NUP54: variants seen among roughly 807,000 people sequenced by gnomAD.
The protein encoded by NUP54 is nucleoporin 54.
A neutral mutation model predicts 66.4 loss-of-function variants in NUP54; 27 were observed. The ratio of observed to expected loss-of-function variants is 0.41; its 90% confidence interval spans 0.30 to 0.56. NUP54 has a LOEUF of 0.56. Among genes scored for constraint, NUP54 ranks in the 20% least tolerant of loss-of-function variants. The pLI, the probability that NUP54 is intolerant of heterozygous loss-of-function variation, is 0.34. For missense variants in NUP54, 486 were observed against 596.3 expected, an observed-to-expected ratio of 0.82 and a Z score of 1.93; for synonymous variants, 206 against 210.7, an observed-to-expected ratio of 0.98 and a Z score of 0.19.
chr4:76,146,045 T>C (rs561596890), intron 1 of NUP54: 18 of 427,616 alleles, frequency 4.2e-5, no homozygotes, highest in Admixed American at 1.7e-4. Context: ...AACTATGATA[T>C]AATCTGAATT....
At chr4:76,123,695 G>A (rs1394120763) in intron 9 of NUP54, among the ~76,000 whole-genome samples, 1 of 151,986 alleles carries the variant, frequency 6.6e-6, no homozygotes, top group Non-Finnish European at 1.5e-5. Flanking sequence ...TTGTATTTTA[G>A]TAGAGATGGG....
intron 5 of NUP54, 97 bp from the exon 6 acceptor site, chr4:76,132,816 T>TCTG: frequency 1.1e-6 from 1 of 913,228 alleles, no homozygotes; most frequent in South Asian, 1.8e-5. Context: ...AGGGTTTAAG[T>TCTG]TGAATTCAGA....
intron 9 of NUP54, among the ~76,000 whole-genome samples, chr4:76,123,145 C>G (rs142686668): frequency 6.6e-6 from 1 of 152,112 alleles, no homozygotes; most frequent in Non-Finnish European, 1.5e-5. Flanking sequence ...AACGGTTATA[C>G]AAGTCTCTGA....
intron 1 of NUP54, chr4:76,147,842 A>C: frequency 2.9e-6 from 1 of 349,018 alleles, no homozygotes; most frequent in South Asian, 2.4e-5. Context: ...CCCCACAGCG[A>C]GGACCACAGG....
Position 76,124,722 on chromosome 4 carries a change from T to G in NUP54, c.1091A>C (p.Asn364Thr), listed in dbSNP as rs1214258186. ...AATTTTGGCTACAGATGTAGTTTGA[T>G]TCTTTTGTAGCTCACTAATATCTTC... ...ISEDISELQK[N>T]QTTSVAKIAQ... The change falls in exon 9 of 12, where the codon AAT becomes ACT. Residue 364 changes from asparagine to threonine, a missense_variant. Asn to Thr is a moderately conservative substitution (Grantham distance 65). Coordinates refer to ENST00000264883, the MANE Select transcript of NUP54 (RefSeq NM_017426.4). 1 of 1,540,178 alleles carries G rather than the reference T, an allele frequency of 6.5e-7. No individual in the cohort carries two copies. The highest frequency in any genetic ancestry group is 1.1e-5 in the South Asian group (1 of 89,910).
intron 5 of NUP54, among the ~76,000 whole-genome samples, chr4:76,133,468 G>C (rs556129757): frequency 6.6e-6 from 1 of 151,890 alleles, no homozygotes. Flanking sequence ...ACCACGCCCG[G>C]CTGATTTTTT....
chr4:76,126,659 GCCATCT>G (rs1730550852), intron 8 of NUP54, among the ~76,000 whole-genome samples: 1 of 115,474 alleles, frequency 8.7e-6, no homozygotes, highest in South Asian at 2.7e-4. Context: ...ATCCAAGAAA[GCCATCT>G]AGGAATTGAT....
chr4:76,141,691 C>T (rs1731272904), intron 3 of NUP54, among the ~76,000 whole-genome samples: 1 of 152,158 alleles, frequency 6.6e-6, no homozygotes, highest in African/African-American at 2.4e-5. Flanking sequence ...TCCATTCCAA[C>T]CCACCTATAA....
At chr4:76,123,011 C>T (rs1730300458) in intron 9 of NUP54, among the ~76,000 whole-genome samples, 1 of 152,142 alleles carries the variant, frequency 6.6e-6, no homozygotes, top group Admixed American at 6.5e-5. Flanking sequence ...AACAGGCAAA[C>T]CCATATAGGC....
At chr4:76,136,878 C>T (rs1731062217) in intron 3 of NUP54, among the ~76,000 whole-genome samples, 1 of 152,192 alleles carries the variant, frequency 6.6e-6, no homozygotes, top group Admixed American at 6.5e-5. Flanking sequence ...TCTCCAGAAA[C>T]TATAAAATAA....
chr4:76,137,187 G>A (rs1226474679), intron 3 of NUP54, among the ~76,000 whole-genome samples: 1 of 152,104 alleles, frequency 6.6e-6, no homozygotes, highest in Admixed American at 6.5e-5. Flanking sequence ...TGTAGAGACA[G>A]GGTCTTACTA....
chr4:76,132,389 C>A, intron 6 of NUP54, 134 bp downstream of exon 6: 5 of 555,432 alleles, frequency 9.0e-6, no homozygotes, highest in South Asian at 5.1e-5. Flanking sequence ...AAACTATTTC[C>A]CAAATAAGTA....
intron 9 of NUP54, 146 bp from the exon 10 acceptor site, chr4:76,118,340 G>A (rs1730050075): frequency 2.8e-6 from 2 of 714,888 alleles, no homozygotes; most frequent in Admixed American, 5.4e-5. Context: ...TTATGTTTCT[G>A]TCCATTTTAA....
intron 9 of NUP54, among the ~76,000 whole-genome samples, chr4:76,119,837 A>T (rs971653548): frequency 6.6e-6 from 1 of 151,892 alleles, no homozygotes; most frequent in Non-Finnish European, 1.5e-5. Flanking sequence ...TCCTATAACC[A>T]TATCTTTTTC....
At chr4:76,140,265 G>A (rs1406523718) in intron 3 of NUP54, among the ~76,000 whole-genome samples, 1 of 150,736 alleles carries the variant, frequency 6.6e-6, no homozygotes, top group East Asian at 2.0e-4. Flanking sequence ...ATTGCAATAA[G>A]GGATTTTATT....
chr4:76,124,981 G>A (rs905197460), intron 8 of NUP54, among the ~76,000 whole-genome samples: 5 of 151,842 alleles, frequency 3.3e-5, no homozygotes, highest in African/African-American at 4.8e-5. Flanking sequence ...AGGAAATTTA[G>A]CAATGAGGCA....
At chr4:76,138,524 C>T (rs1731131949) in intron 3 of NUP54, among the ~76,000 whole-genome samples, 1 of 152,158 alleles carries the variant, frequency 6.6e-6, no homozygotes, top group Admixed American at 6.6e-5. Flanking sequence ...GAGCCAAATA[C>T]TAAAGATACA....
chr4:76,141,855 TCTCACTA>T, intron 3 of NUP54, among the ~76,000 whole-genome samples: 1 of 152,118 alleles, frequency 6.6e-6, no homozygotes, highest in African/African-American at 2.4e-5. Context: ...TCTCTCCAAC[TCTCACTA>T]CTGACCCTGA....
intron 9 of NUP54, among the ~76,000 whole-genome samples, chr4:76,119,384 GTTGT>G (rs949114271): frequency 9.2e-5 from 14 of 151,932 alleles, no homozygotes; most frequent in Non-Finnish European, 1.2e-4. Context: ...TTTTTTGGTT[GTTGT>G]TTTTGTTTTT....
Sources: allele counts gnomAD v4.1 joint callset (sites outside exome capture counted in the v4.1 genomes callset), GRCh38; gene constraint gnomAD v4.1.1; transcripts MANE v1.5; gene names NCBI Gene and HGNC (gene_info 2026-07-23, HGNC 2026-07-21).